The following CNBD1 variants were observed in gnomAD, a reference collection of about 807,000 sequenced individuals.
The protein encoded by CNBD1 is cyclic nucleotide binding domain containing 1.
In CNBD1, 71 loss-of-function variants were observed where a neutral mutation model predicts 54.4. That is an observed-to-expected ratio of 1.30 (90% CI 1.08 to 1.59). CNBD1 has a LOEUF of 1.59. CNBD1 is among the 40% of genes most tolerant of loss of function. CNBD1 has a pLI of 0.00. For missense variants in CNBD1, 659 were observed against 518.0 expected, an observed-to-expected ratio of 1.27 and a Z score of -2.64; for synonymous variants, 182 against 170.7, an observed-to-expected ratio of 1.07 and a Z score of -0.51.
chr8:87,189,658 T>C (rs1371822480), intron 4 of CNBD1, among the ~76,000 whole-genome samples: 3 of 152,192 alleles, frequency 2.0e-5, no homozygotes, highest in African/African-American at 7.2e-5. Context: ...TTTTCAATGG[T>C]GTATAGGAAT....
At chr8:86,981,583 A>C (rs1219850141) in intron 4 of CNBD1, among the ~76,000 whole-genome samples, 1 of 152,190 alleles carries the variant, frequency 6.6e-6, no homozygotes, top group African/African-American at 2.4e-5. Context: ...TTTGCAGTAC[A>C]TCTTCCTGAA....
intron 4 of CNBD1, among the ~76,000 whole-genome samples, chr8:87,064,889 T>A (rs1276588839): frequency 6.6e-6 from 1 of 152,032 alleles, no homozygotes; most frequent in African/African-American, 2.4e-5. Context: ...CCATTCACTC[T>A]CTTTTCTTCT....
chr8:87,176,526 C>G (rs1047772346), intron 4 of CNBD1, among the ~76,000 whole-genome samples: 2 of 149,872 alleles, frequency 1.3e-5, no homozygotes, highest in African/African-American at 2.5e-5. Context: ...TCTTCTTACC[C>G]AGGCTGGAGT....
chr8:87,410,395 G>A (rs1428961373), intron 2 of CNBD1, among the ~76,000 whole-genome samples: 1 of 152,146 alleles, frequency 6.6e-6, no homozygotes, highest in African/African-American at 2.4e-5. Context: ...TATTCTGGAT[G>A]CCATTAAGAA....
rs563431262 is a variant in CNBD1 at position 87,079,464 on chromosome 8, T to C, written c.432-126529T>C. ...TATATGAGAGTCTCAGTTACCTTCATATTTTCACCAACACTTAGTATTGTC... is the reference window on the plus strand; with the variant it reads ...TATATGAGAGTCTCAGTTACCTTCACATTTTCACCAACACTTAGTATTGTC... On this transcript the variant is annotated intron_variant, in intron 4 of 10. Coordinates refer to ENST00000518476, the MANE Select transcript of CNBD1 (RefSeq NM_173538.3). Among the ~76,000 whole-genome samples the C allele has an allele frequency of 2.0e-4, 30 of 152,248 alleles. No homozygotes were observed. In the South Asian group the frequency reaches 5.6e-3, roughly 28 times the overall value.
chr8:87,092,427 ATGTATG>A lies in CNBD1; in HGVS notation c.432-113562_432-113557del, dbSNP rs1233475883. Among the ~76,000 whole-genome samples the A allele has an allele frequency of 2.3e-3, 327 of 140,156 alleles. 4 individuals are homozygous for A. Among genetic ancestry groups the A allele is most frequent in the African/African-American group, 7.7e-3 (279 of 36,352 alleles). The allele number at this position is 140,156 out of a possible 152,430, so 91.9% of individuals were successfully genotyped here. A position where few individuals can be genotyped will look rare whatever the true frequency, so the allele number is the denominator to read the frequency against. On this transcript the variant is annotated intron_variant, in intron 4 of 10. Transcript: ENST00000518476. ...TGTGTATATGTGTGTGTATGTATGTATGTATGTGTGTGTGTATATATATACACATAT... is the reference window on the plus strand; with the variant it reads ...TGTGTATATGTGTGTGTATGTATGTATGTGTGTGTATATATATACACATAT...
At chr8:86,988,143 G>GT (rs34699647) in intron 4 of CNBD1, among the ~76,000 whole-genome samples, 18 of 134,360 alleles carry the variant, frequency 1.3e-4, no homozygotes, top group Non-Finnish European at 2.6e-4. Flanking sequence ...TGGTTGATAG[G>GT]TTTTTTTTTT....
chr8:86,961,198 CTAGCCATAAGA>C (rs1444880840), intron 4 of CNBD1, among the ~76,000 whole-genome samples: 1 of 152,128 alleles, frequency 6.6e-6, no homozygotes, highest in Non-Finnish European at 1.5e-5. Flanking sequence ...GCTTGGAACC[CTAGCCATAAGA>C]TAGCACTACA....
At chr8:87,352,483 A>AAAAAAAAAAAAAAAAAAAAAAAAC (rs1231964800) in intron 9 of CNBD1, among the ~76,000 whole-genome samples, 1 of 151,648 alleles carries the variant, frequency 6.6e-6, no homozygotes, top group African/African-American at 2.4e-5. Flanking sequence ...TGTCTCAAAA[A>AAAAAAAAAAAAAAAAAAAAAAAAC]AAAAAAAAAA....
At chr8:87,329,615 T>G (rs1408922275) in intron 8 of CNBD1, among the ~76,000 whole-genome samples, 1 of 150,828 alleles carries the variant, frequency 6.6e-6, no homozygotes, top group African/African-American at 2.5e-5. Context: ...AGAAATACAT[T>G]TTGTTAGATT....
intron 4 of CNBD1, among the ~76,000 whole-genome samples, chr8:87,193,998 GAATACCAGC>G: frequency 6.6e-6 from 1 of 152,302 alleles, no homozygotes; most frequent in East Asian, 1.9e-4. Flanking sequence ...AGCAGGAGGT[GAATACCAGC>G]AAGGGAGGGA....
At chr8:87,139,698 G>C (rs1812333253) in intron 4 of CNBD1, among the ~76,000 whole-genome samples, 1 of 152,116 alleles carries the variant, frequency 6.6e-6, no homozygotes, top group Non-Finnish European at 1.5e-5. Context: ...GCACAACCAA[G>C]CCGAAGGACC....
At chr8:87,271,062 A>G (rs920253834) in intron 6 of CNBD1, among the ~76,000 whole-genome samples, 19 of 151,694 alleles carry the variant, frequency 1.3e-4, no homozygotes, top group Non-Finnish European at 5.9e-5. Context: ...GTCGTTGTAT[A>G]GTTGTTTGTA....
intron 10 of CNBD1, among the ~76,000 whole-genome samples, chr8:87,360,141 T>A (rs1461483373): frequency 6.6e-6 from 1 of 151,992 alleles, no homozygotes; most frequent in Non-Finnish European, 1.5e-5. Flanking sequence ...AAGAGAGCAA[T>A]TCACTCACTG....
chr8:87,076,610 T>G (rs938977471), intron 4 of CNBD1, among the ~76,000 whole-genome samples: 1 of 152,026 alleles, frequency 6.6e-6, no homozygotes, highest in African/African-American at 2.4e-5. Flanking sequence ...GTCTGGATAA[T>G]TTTTTGTATT....
intron 4 of CNBD1, among the ~76,000 whole-genome samples, chr8:87,106,480 G>A (rs1811540159): frequency 6.6e-6 from 1 of 152,124 alleles, no homozygotes; most frequent in African/African-American, 2.4e-5. Flanking sequence ...TCAAGTGTGG[G>A]AATTACAGGC....
intron 5 of CNBD1, among the ~76,000 whole-genome samples, chr8:87,215,594 A>AT: frequency 6.6e-6 from 1 of 152,202 alleles, no homozygotes; most frequent in South Asian, 2.1e-4. Flanking sequence ...TCTCAAAAAA[A>AT]AAAAAAAAAA....
intron 4 of CNBD1, among the ~76,000 whole-genome samples, chr8:87,205,666 C>G (rs1281732316): frequency 6.6e-6 from 1 of 151,972 alleles, no homozygotes; most frequent in Non-Finnish European, 1.5e-5. Context: ...ATTATAATAA[C>G]TACTGATAAG....
At chr8:87,025,460 C>A (rs187323562) in intron 4 of CNBD1, among the ~76,000 whole-genome samples, 74 of 152,284 alleles carry the variant, frequency 4.9e-4, no homozygotes, top group African/African-American at 1.6e-3. Context: ...GACAACAAAC[C>A]CAGTGAGTGG....
Sources: gnomAD v4.1 joint callset for allele counts (sites outside exome capture counted in the v4.1 genomes callset) on GRCh38, gnomAD v4.1.1 for gene constraint, MANE v1.5 for transcripts, NCBI Gene and HGNC (gene_info 2026-07-23, HGNC 2026-07-21) for gene names.